The following ALK variants were observed in gnomAD, a reference collection of about 807,000 sequenced individuals.
ALK encodes ALK receptor tyrosine kinase.
In ALK, 74 loss-of-function variants were observed where a neutral mutation model predicts 163.1. The ratio of observed to expected loss-of-function variants is 0.45; its 90% CI spans 0.38 to 0.55. The LOEUF (loss-of-function observed/expected upper bound fraction) is 0.55, where lower values mean the gene tolerates loss of function less well. ALK is among the 20% of genes least tolerant of loss of function. The probability of loss-of-function intolerance (pLI) is 0.00; values close to 1 mark genes in which losing one functional copy is unlikely to be tolerated. For missense variants in ALK, 2,063 were observed against 2,105.3 expected, an observed-to-expected ratio of 0.98 and a Z score of 0.39; for synonymous variants, 960 against 843.2, an observed-to-expected ratio of 1.14 and a Z score of -2.40.
At chr2:29,278,154 T>C (rs1184831369) in intron 9 of ALK, among the ~76,000 whole-genome samples, 1 of 151,814 alleles carries the variant, frequency 6.6e-6, no homozygotes, top group Non-Finnish European at 1.5e-5. Flanking sequence ...CTTGAGGATG[T>C]GGGTGTGGGA....
chr2:29,466,154 C>T lies in ALK; in HGVS notation c.1154+65761G>A, dbSNP rs535323729. ...AAACAAATACTTCAGTAAACTGAAGCTCTTCATGGTTCCAGGGCTTCTGGA... is the reference window on the plus strand; with the variant it reads ...AAACAAATACTTCAGTAAACTGAAGTTCTTCATGGTTCCAGGGCTTCTGGA... On this transcript the variant is annotated intron_variant, in intron 4 of 28. Transcript: ENST00000389048. 5.3e-5 allele frequency among the ~76,000 whole-genome samples: 8 copies of T among 152,238 alleles called. No homozygotes were observed. In the South Asian group the frequency reaches 1.7e-3, roughly 32 times the overall value.
At chr2:29,810,074 A>G (rs1205433518) in intron 1 of ALK, among the ~76,000 whole-genome samples, 2 of 152,186 alleles carry the variant, frequency 1.3e-5, no homozygotes, top group African/African-American at 2.4e-5. Flanking sequence ...TGTTTTGGGT[A>G]AAATTTTCTC....
At chr2:29,209,613 G>A (rs1669409540) in intron 25 of ALK, among the ~76,000 whole-genome samples, 173 bp downstream of exon 25, 1 of 151,962 alleles carries the variant, frequency 6.6e-6, no homozygotes, top group African/African-American at 2.4e-5. Flanking sequence ...TAGGCCTTCG[G>A]GCATGGTCAC....
chr2:29,769,304 T>G (rs1680951088), intron 1 of ALK, among the ~76,000 whole-genome samples: 1 of 152,340 alleles, frequency 6.6e-6, no homozygotes, highest in South Asian at 2.1e-4. Flanking sequence ...CCCATCAGTC[T>G]GTAGAATGAC....
At chr2:29,545,639 A>G (rs960125641) in intron 3 of ALK, among the ~76,000 whole-genome samples, 3 of 152,056 alleles carry the variant, frequency 2.0e-5, no homozygotes, top group Non-Finnish European at 4.4e-5. Flanking sequence ...GTGCACTTTT[A>G]CTGTCTCCCT....
At position 29,369,783 on chromosome 2, in the gene ALK, C is replaced by T. The variant is rs558987742; in HGVS notation, c.1282+13949G>A. ...GGAAGGCTGTCCATGAGCTGCCAAACAGTTGAGATGGAAAATGATCTGTCT... is the reference window on the plus strand; with the variant it reads ...GGAAGGCTGTCCATGAGCTGCCAAATAGTTGAGATGGAAAATGATCTGTCT... On this transcript the variant is annotated intron_variant, in intron 5 of 28. Coordinates refer to ENST00000389048, the MANE Select transcript of ALK (RefSeq NM_004304.5). Among the ~76,000 whole-genome samples, 29 of 152,310 alleles carry T rather than the reference C, an allele frequency of 1.9e-4. No individual in the cohort carries two copies. The East Asian group carries it at 5.2e-3, about 27-fold the overall frequency.
chr2:29,608,663 C>T (rs1675605796), intron 3 of ALK, among the ~76,000 whole-genome samples: 1 of 152,178 alleles, frequency 6.6e-6, no homozygotes, highest in Non-Finnish European at 1.5e-5. Context: ...ACCTCTAGAC[C>T]AGGCTCTTTC....
chr2:29,766,921 C>T (rs900670963), intron 1 of ALK, among the ~76,000 whole-genome samples: 2 of 152,316 alleles, frequency 1.3e-5, no homozygotes, highest in South Asian at 2.1e-4. Context: ...AAAGGCTCTT[C>T]TAGAAGCTGT....
chr2:29,218,701 T>C (rs1217770857), intron 23 of ALK, among the ~76,000 whole-genome samples: 1 of 152,234 alleles, frequency 6.6e-6, no homozygotes, highest in African/African-American at 2.4e-5. Flanking sequence ...TTTGCATGCA[T>C]ACAACTTTCT....
At chr2:29,698,462 A>T (rs1398334410) in intron 2 of ALK, among the ~76,000 whole-genome samples, 1 of 152,158 alleles carries the variant, frequency 6.6e-6, no homozygotes, top group African/African-American at 2.4e-5. Flanking sequence ...TCCCACATTG[A>T]CAATTATCAG....
At chr2:29,323,593 G>A (rs1667141969) in intron 6 of ALK, among the ~76,000 whole-genome samples, 1 of 152,230 alleles carries the variant, frequency 6.6e-6, no homozygotes, top group African/African-American at 2.4e-5. Flanking sequence ...ACCCCTAAGG[G>A]AGGAAGGAGA....
intron 1 of ALK, among the ~76,000 whole-genome samples, chr2:29,917,117 T>C (rs1001713613): frequency 6.6e-6 from 1 of 152,246 alleles, no homozygotes; most frequent in African/African-American, 2.4e-5. Flanking sequence ...TAACTGGTGC[T>C]TTTTCATTTT....
intron 5 of ALK, among the ~76,000 whole-genome samples, chr2:29,342,877 CTTTT>C (rs57838065): frequency 1.1e-5 from 1 of 90,448 alleles, no homozygotes; most frequent in Non-Finnish European, 2.0e-5. Context: ...GCTCAGTGAT[CTTTT>C]TTTTTTTTTT....
chr2:29,314,344 C>T (rs974060077), intron 8 of ALK, among the ~76,000 whole-genome samples: 6 of 152,062 alleles, frequency 3.9e-5, no homozygotes, highest in African/African-American at 1.2e-4. Flanking sequence ...GGAAGGGGCC[C>T]GCTGGTCACC....
chr2:29,297,505 T>C (rs1439802894), intron 8 of ALK, among the ~76,000 whole-genome samples: 1 of 152,202 alleles, frequency 6.6e-6, no homozygotes, highest in Non-Finnish European at 1.5e-5. Flanking sequence ...ATCATAGATT[T>C]TTCTCTCTTC....
At position 29,694,847 on chromosome 2, in the gene ALK, T is replaced by C. The variant is rs1200110360; in HGVS notation, c.952+3A>G. 6.2e-7 allele frequency: 1 copy of C among 1,613,706 alleles called. No homozygotes were observed. Among genetic ancestry groups the C allele is most frequent in the Admixed American group, 1.7e-5 (1 of 60,022 alleles). On this transcript the variant is annotated splice_donor_region_variant and intron_variant, in intron 3 of 28. Coordinates refer to ENST00000389048, the MANE Select transcript of ALK (RefSeq NM_004304.5). ...AGGACATCACCAGCAGCCTCTCCCT[T>C]ACCTCTGGGCATCTCCTTAGAACGC...
chr2:29,441,007 A>G (rs149364702), intron 4 of ALK, among the ~76,000 whole-genome samples: 1 of 152,156 alleles, frequency 6.6e-6, no homozygotes. Flanking sequence ...TCCGGCTTCA[A>G]TAGCCAACTT....
At chr2:29,376,140 A>G (rs968395990) in intron 5 of ALK, among the ~76,000 whole-genome samples, 11 of 151,528 alleles carry the variant, frequency 7.3e-5, no homozygotes, top group Non-Finnish European at 1.3e-4. Context: ...CCCCACACAG[A>G]AACATTCCAA....
intron 1 of ALK, among the ~76,000 whole-genome samples, chr2:29,832,466 G>T (rs1481617690): frequency 6.6e-6 from 1 of 152,210 alleles, no homozygotes; most frequent in Admixed American, 6.5e-5. Flanking sequence ...TATCTTTGGG[G>T]GAAGAGGGAT....
Sources: allele counts gnomAD v4.1 joint callset (sites outside exome capture counted in the v4.1 genomes callset), GRCh38; gene constraint gnomAD v4.1.1; transcripts MANE v1.5; gene names NCBI Gene and HGNC (gene_info 2026-07-23, HGNC 2026-07-21).